The following TENM2 variants were observed in gnomAD, a reference collection of about 807,000 sequenced individuals.
TENM2 encodes the protein teneurin transmembrane protein 2.
A neutral mutation model predicts 245.2 loss-of-function variants in TENM2; 52 were observed. The observed-to-expected ratio is 0.21, with a 90% CI of 0.17 to 0.27. The LOEUF (loss-of-function observed/expected upper bound fraction) is 0.27, where lower values mean the gene tolerates loss of function less well. Among genes scored for constraint, TENM2 ranks in the 10% least tolerant of loss-of-function variants. The probability of loss-of-function intolerance (pLI) is 1.00; values close to 1 mark genes in which losing one functional copy is unlikely to be tolerated. For synonymous variants in TENM2, 1,363 were observed against 1,438.9 expected, an observed-to-expected ratio of 0.95 and a Z score of 1.19; for missense variants, 3,046 against 3,666.8, an observed-to-expected ratio of 0.83 and a Z score of 4.37.
intron 2 of TENM2, among the ~76,000 whole-genome samples, chr5:167,837,101 G>GAT (rs1386148154): frequency 6.7e-6 from 1 of 149,170 alleles, no homozygotes; most frequent in South Asian, 2.1e-4. Flanking sequence ...CACACACAGA[G>GAT]ATATATCTGG....
At chr5:168,229,425 A>AGGGGGAATGTAAT (rs1554227923) in intron 25 of TENM2, among the ~76,000 whole-genome samples, 1 of 152,118 alleles carries the variant, frequency 6.6e-6, no homozygotes, top group Non-Finnish European at 1.5e-5. Flanking sequence ...TTCCCTGGGG[A>AGGGGGAATGTAAT]GGGGGAATGT....
chr5:167,333,412 A>G (rs1757569997), intron 1 of TENM2, among the ~76,000 whole-genome samples: 1 of 152,198 alleles, frequency 6.6e-6, no homozygotes, highest in African/African-American at 2.4e-5. Context: ...TTCTTAAAGC[A>G]AGGCCTAGTA....
chr5:167,523,670 C>T (rs1171733207), intron 2 of TENM2, among the ~76,000 whole-genome samples: 2 of 152,170 alleles, frequency 1.3e-5, no homozygotes, highest in East Asian at 3.9e-4. Flanking sequence ...AATAAAATTA[C>T]CTTTGAGAGA....
At chr5:167,999,116 A>C (rs1784257151) in intron 5 of TENM2, among the ~76,000 whole-genome samples, 1 of 152,162 alleles carries the variant, frequency 6.6e-6, no homozygotes, top group Non-Finnish European at 1.5e-5. Context: ...CAGACTAGGA[A>C]AAATGTCAGC....
rs1778245172 is a variant in TENM2 at position 167,622,554 on chromosome 5, C to T, written c.502+247081C>T. 2.0e-5 allele frequency among the ~76,000 whole-genome samples: 3 copies of T among 152,044 alleles called. No individual in the cohort carries two copies. The South Asian group carries it at 6.2e-4, about 32-fold the overall frequency. Reference sequence around the variant, plus strand: ...GAGCCTTGGGACCCATCCTTAGACCCACCATTATTTCTTCCATAATATAGA... The same window carrying T: ...GAGCCTTGGGACCCATCCTTAGACCTACCATTATTTCTTCCATAATATAGA... On this transcript the variant is annotated intron_variant, in intron 2 of 28. Coordinates refer to ENST00000518659, the Ensembl canonical transcript of TENM2.
chr5:167,438,415 A>C (rs1016115171), intron 2 of TENM2, among the ~76,000 whole-genome samples: 5 of 152,192 alleles, frequency 3.3e-5, no homozygotes, highest in Non-Finnish European at 5.9e-5. Flanking sequence ...TGCAATCAAC[A>C]TACTAAATGG....
At position 168,216,741 on chromosome 5, in the gene TENM2, T is replaced by C. The variant is rs373798589; in HGVS notation, c.4079-27T>C. The stretch of plus-strand genomic sequence containing the variant: ...CGCAATCCTACACCTTTCCAAGAGA[T>C]AAATCCACACCGCTTGTCTTGCTCA... On this transcript the variant is annotated intron_variant, in intron 21 of 28. Coordinates refer to ENST00000518659, the Ensembl canonical transcript of TENM2. 2.1e-5 allele frequency: 34 copies of C among 1,613,478 alleles called. No homozygotes were observed. In the African/African-American group the frequency reaches 4.0e-4, roughly 19 times the overall value.
intron 2 of TENM2, among the ~76,000 whole-genome samples, chr5:167,508,277 GA>G (rs1435885831): frequency 1.3e-5 from 2 of 152,040 alleles, no homozygotes; most frequent in Non-Finnish European, 2.9e-5. Flanking sequence ...CCGTTTAATG[GA>G]AAAAGGATTC....
Position 168,247,734 on chromosome 5 carries a change from C to T in TENM2, c.6795C>T (p.Asp2265=), listed in dbSNP as rs370887463. 152 of 1,613,892 alleles carry T rather than the reference C, an allele frequency of 9.4e-5. No individual in the cohort carries two copies. The highest frequency in any genetic ancestry group is 1.3e-4 in the East Asian group (6 of 44,870). The change falls in exon 27 of 29, where the codon GAC becomes GAT. Residue 2265 remains aspartate (D), a synonymous_variant. Transcript: ENST00000518659. This position sits in a 1 kb window ranked among gnomAD's most constrained non-coding sequence, Gnocchi z 7.8. ...TCGGGGATGTGCAGTACAAAATTGA[C>T]GACGATGGCTATCTGTGCCAGAGAG...
chr5:167,848,213 T>C (rs528027837), intron 2 of TENM2, among the ~76,000 whole-genome samples: 1 of 152,146 alleles, frequency 6.6e-6, no homozygotes, highest in South Asian at 2.1e-4. Context: ...ACTGAATAGG[T>C]CATGAGAGTT....
chr5:167,402,438 C>T (rs964909392), intron 2 of TENM2, among the ~76,000 whole-genome samples: 1 of 151,986 alleles, frequency 6.6e-6, no homozygotes, highest in Non-Finnish European at 1.5e-5. Context: ...AGGTTTAATG[C>T]TTATAATAAT....
At position 167,345,493 on chromosome 5, in the gene TENM2, T is replaced by C. The variant is rs559390806; in HGVS notation, c.227-29705T>C. Reference sequence around the variant, plus strand: ...AATTGGTATCAAAAAGAAAAGATTTTATTTAAGTTATGTTTTGATTGTTGT... The same window carrying C: ...AATTGGTATCAAAAAGAAAAGATTTCATTTAAGTTATGTTTTGATTGTTGT... On this transcript the variant is annotated intron_variant, in intron 1 of 28. Coordinates refer to ENST00000518659, the Ensembl canonical transcript of TENM2. 3.3e-5 allele frequency among the ~76,000 whole-genome samples: 5 copies of C among 152,288 alleles called. No homozygotes were observed. The South Asian group carries it at 1.0e-3, about 32-fold the overall frequency.
the TENM2 span, among the ~76,000 whole-genome samples, chr5:167,111,525 A>G: frequency 9.9e-5 from 15 of 152,142 alleles, no homozygotes; most frequent in African/African-American, 3.4e-4. Flanking sequence ...ATTCACAGCC[A>G]TTTTCTGTAA....
At chr5:168,022,536 CT>C (rs1212356934) in intron 5 of TENM2, among the ~76,000 whole-genome samples, 1 of 152,218 alleles carries the variant, frequency 6.6e-6, no homozygotes, top group Non-Finnish European at 1.5e-5. Flanking sequence ...TTCGCCACAA[CT>C]CTTCAGCCTT....
At chr5:168,136,836 C>T (rs1464517836) in intron 12 of TENM2, among the ~76,000 whole-genome samples, 6 of 152,178 alleles carry the variant, frequency 3.9e-5, no homozygotes, top group African/African-American at 1.4e-4. Flanking sequence ...ATAAGCGGCT[C>T]TTAAAGAAAA....
intron 2 of TENM2, among the ~76,000 whole-genome samples, chr5:167,395,804 T>G (rs1156451298): frequency 3.3e-5 from 5 of 152,072 alleles, no homozygotes; most frequent in Non-Finnish European, 5.9e-5. Flanking sequence ...AAACTCAGTT[T>G]CCAGGAACCT....
chr5:167,258,243 G>GTATA, the TENM2 span, among the ~76,000 whole-genome samples: 33 of 136,002 alleles, frequency 2.4e-4, no homozygotes, highest in African/African-American at 1.0e-3. Flanking sequence ...ATATATATAT[G>GTATA]TATATATATA....
intron 2 of TENM2, among the ~76,000 whole-genome samples, chr5:167,474,814 C>A (rs1201712126): frequency 6.6e-6 from 1 of 152,082 alleles, no homozygotes; most frequent in African/African-American, 2.4e-5. Context: ...TTGCACTTGG[C>A]CTAAAAAGAG....
intron 2 of TENM2, among the ~76,000 whole-genome samples, chr5:167,589,609 A>G (rs1302251196): frequency 6.6e-6 from 1 of 152,132 alleles, no homozygotes. Context: ...GAAAATTTGG[A>G]AAATTTAGAA....
Sources: allele counts gnomAD v4.1 joint callset (sites outside exome capture counted in the v4.1 genomes callset), GRCh38; gene constraint gnomAD v4.1.1; non-coding constraint Gnocchi (gnomAD v3.1); transcripts MANE v1.5; gene names NCBI Gene and HGNC (gene_info 2026-07-23, HGNC 2026-07-21).